The following NRXN3 variants were observed in gnomAD, a reference collection of about 807,000 sequenced individuals.
The protein encoded by NRXN3 is neurexin 3.
Under a neutral mutation model 137.6 loss-of-function variants are expected in NRXN3, and 32 were observed. That is an observed-to-expected ratio of 0.23 (90% confidence interval 0.18 to 0.31). The LOEUF is 0.31. NRXN3 is among the 10% of genes least tolerant of loss of function. The pLI is 1.00. For synonymous variants in NRXN3, 798 were observed against 784.5 expected (o/e 1.02, Z -0.29); for missense variants, 1,574 against 2,062.5 (o/e 0.76, Z 4.59).
At chr14:78,556,052 C>T (rs1025591171) in intron 4 of NRXN3, among the ~76,000 whole-genome samples, 1 of 152,328 alleles carries the variant, frequency 6.6e-6, no homozygotes, top group East Asian at 1.9e-4. Flanking sequence ...TGTGCACTTT[C>T]ACAGACCAGC....
At chr14:79,467,003 A>C (rs1793019279) in intron 15 of NRXN3, among the ~76,000 whole-genome samples, 1 of 152,136 alleles carries the variant, frequency 6.6e-6, no homozygotes, top group Admixed American at 6.5e-5. Context: ...ACTCTTACCA[A>C]CATCTGCTTT....
intron 16 of NRXN3, among the ~76,000 whole-genome samples, chr14:79,479,719 G>T (rs1458278651): frequency 6.6e-6 from 1 of 151,804 alleles, no homozygotes; most frequent in Non-Finnish European, 1.5e-5. Flanking sequence ...TACATTTTTT[G>T]CTTCCCAGTA....
At chr14:79,695,876 A>C (rs1399242069) in intron 18 of NRXN3, among the ~76,000 whole-genome samples, 1 of 152,008 alleles carries the variant, frequency 6.6e-6, no homozygotes, top group African/African-American at 2.4e-5. Flanking sequence ...TTCTGTAGTC[A>C]TTAAGGCCAG....
intron 4 of NRXN3, among the ~76,000 whole-genome samples, chr14:78,339,494 G>A (rs561275110): frequency 1.3e-5 from 2 of 152,180 alleles, no homozygotes; most frequent in Non-Finnish European, 2.9e-5. Flanking sequence ...GCAGAGCCTG[G>A]GTCACCCTTC....
chr14:79,502,549 C>CCCTCTT (rs1490417039), intron 16 of NRXN3, among the ~76,000 whole-genome samples: 2 of 151,864 alleles, frequency 1.3e-5, no homozygotes, highest in African/African-American at 2.4e-5. Flanking sequence ...CTCTCCCTCT[C>CCCTCTT]CCTCTTCCTC....
chr14:78,711,105 G>A (rs2098403416), intron 7 of NRXN3, among the ~76,000 whole-genome samples: 1 of 151,928 alleles, frequency 6.6e-6, no homozygotes, highest in South Asian at 2.1e-4. Context: ...GAATTATAAA[G>A]AAAACACTGC....
At chr14:78,724,779 G>C (rs1278492055) in intron 8 of NRXN3, among the ~76,000 whole-genome samples, 1 of 152,198 alleles carries the variant, frequency 6.6e-6, no homozygotes, top group Non-Finnish European at 1.5e-5. Context: ...GGGAGGAAAT[G>C]TGGAGGGAAG....
chr14:79,842,370 G>A (rs542843115), intron 20 of NRXN3, among the ~76,000 whole-genome samples: 24 of 152,212 alleles, frequency 1.6e-4, no homozygotes, highest in South Asian at 4.2e-4. Context: ...CCTAAATAAC[G>A]AGAAAGACCT....
In NRXN3 at chr14:78,209,236, A is replaced by G. The variant is rs564826922; in HGVS notation, c.-703-33155A>G. 8.5e-5 allele frequency among the ~76,000 whole-genome samples: 13 copies of G among 152,264 alleles called. No homozygotes were observed. The East Asian group carries it at 2.5e-3, about 29-fold the overall frequency. ...AGACCTTGGTGGGCAGGACTGTGCC[A>G]GCTGTGGGAAGAAGAGGCAGGTGAA... On this transcript the variant is annotated intron_variant, in intron 1 of 20. Transcript: ENST00000335750.
At chr14:78,316,795 C>T (rs1440539983) in intron 4 of NRXN3, among the ~76,000 whole-genome samples, 1 of 152,126 alleles carries the variant, frequency 6.6e-6, no homozygotes, top group East Asian at 1.9e-4. Flanking sequence ...TTTGTCTTCC[C>T]CATTTTTTGG....
chr14:79,178,258 T>A (rs1477734523), intron 15 of NRXN3, among the ~76,000 whole-genome samples: 2 of 152,216 alleles, frequency 1.3e-5, no homozygotes, highest in African/African-American at 2.4e-5. Flanking sequence ...TACATGCAAT[T>A]TTTTTAAAAA....
At chr14:78,473,261 G>T (rs775649443) in intron 4 of NRXN3, among the ~76,000 whole-genome samples, 4 of 151,934 alleles carry the variant, frequency 2.6e-5, no homozygotes, top group African/African-American at 7.3e-5. Flanking sequence ...AATTAGCTGG[G>T]CGTGGTGGCG....
chr14:79,092,587 A>G (rs1377813328), intron 15 of NRXN3, among the ~76,000 whole-genome samples: 1 of 152,208 alleles, frequency 6.6e-6, no homozygotes. Context: ...GTACTTGTAG[A>G]AATATGTAAG....
In NRXN3 at chr14:79,397,882, C is replaced by T. The variant is rs1026849168; in HGVS notation, c.3263-69339C>T. Among the ~76,000 whole-genome samples, 4 of 152,202 alleles carry T rather than the reference C, an allele frequency of 2.6e-5. No individual in the cohort carries two copies. In the East Asian group the frequency reaches 5.8e-4, roughly 22 times the overall value. On this transcript the variant is annotated intron_variant, in intron 15 of 20. Coordinates refer to ENST00000335750, the MANE Select transcript of NRXN3 (RefSeq NM_001330195.2). Reference sequence around the variant, plus strand: ...CTTGGTCAGTTAAATTGTGAATTTACATGGAATCCAAATGAAGTGTTCAGA... The same window carrying T: ...CTTGGTCAGTTAAATTGTGAATTTATATGGAATCCAAATGAAGTGTTCAGA...
At chr14:78,394,777 T>G (rs936179411) in intron 4 of NRXN3, among the ~76,000 whole-genome samples, 1 of 151,926 alleles carries the variant, frequency 6.6e-6, no homozygotes, top group African/African-American at 2.4e-5. Flanking sequence ...CTCTTCCATA[T>G]TCAATGATTT....
chr14:78,240,450 A>G (rs2066937995), intron 1 of NRXN3, among the ~76,000 whole-genome samples: 1 of 152,160 alleles, frequency 6.6e-6, no homozygotes, highest in African/African-American at 2.4e-5. Context: ...TTTAGGGTAA[A>G]TGAAGGTTGC....
chr14:79,681,363 A>G (rs1603425012), intron 17 of NRXN3, among the ~76,000 whole-genome samples: 1 of 152,232 alleles, frequency 6.6e-6, no homozygotes, highest in East Asian at 1.9e-4. Flanking sequence ...CTGCATTGCA[A>G]ACCACTCCAA....
intron 15 of NRXN3, among the ~76,000 whole-genome samples, chr14:79,037,231 A>G (rs1329854714): frequency 6.6e-6 from 1 of 152,068 alleles, no homozygotes; most frequent in Admixed American, 6.6e-5. Flanking sequence ...TCTCCTGTTG[A>G]ATGCCTTGCT....
At chr14:79,131,046 T>A (rs189656890) in intron 15 of NRXN3, among the ~76,000 whole-genome samples, 38 of 152,340 alleles carry the variant, frequency 2.5e-4, no homozygotes, top group African/African-American at 8.7e-4. Flanking sequence ...CTTTAAAAAC[T>A]TCTCTGTAAT....
Sources: allele counts gnomAD v4.1 joint callset (sites outside exome capture counted in the v4.1 genomes callset), GRCh38; gene constraint gnomAD v4.1.1; transcripts MANE v1.5; gene names NCBI Gene and HGNC (gene_info 2026-07-23, HGNC 2026-07-21).